The following CTNNA2 variants were observed in gnomAD, a reference collection of about 807,000 sequenced individuals.
CTNNA2 encodes the protein catenin alpha 2.
A neutral mutation model predicts 101.0 loss-of-function variants in CTNNA2; 42 were observed. That is an observed-to-expected ratio of 0.42 (90% CI 0.32 to 0.54). The LOEUF (loss-of-function observed/expected upper bound fraction) is 0.54, where lower values mean the gene tolerates loss of function less well. Ranked by LOEUF, CTNNA2 falls within the 20% of genes least tolerant of loss-of-function variation. The pLI, the probability that CTNNA2 is intolerant of heterozygous loss-of-function variation, is 0.14. For missense variants in CTNNA2, 871 were observed against 1,223.1 expected (o/e 0.71, Z 4.29); for synonymous variants, 450 against 456.4 (o/e 0.99, Z 0.18).
intron 7 of CTNNA2, among the ~76,000 whole-genome samples, chr2:80,110,855 G>A (rs1701171990): frequency 6.6e-6 from 1 of 152,100 alleles, no homozygotes; most frequent in Non-Finnish European, 1.5e-5. Context: ...CATTAGAGGA[G>A]GATTGTATTA....
intron 9 of CTNNA2, among the ~76,000 whole-genome samples, chr2:80,508,295 G>T (rs1688428879): frequency 6.6e-6 from 1 of 152,048 alleles, no homozygotes; most frequent in Non-Finnish European, 1.5e-5. Context: ...GTAATATGGT[G>T]AAACCCTCTC....
intron 2 of CTNNA2, among the ~76,000 whole-genome samples, chr2:79,199,053 G>A (rs1002467829): frequency 6.6e-6 from 1 of 152,188 alleles, no homozygotes; most frequent in Non-Finnish European, 1.5e-5. Flanking sequence ...TCACATGCCT[G>A]TCTATAGATG....
At chr2:80,257,789 C>T (rs1321200929) in intron 7 of CTNNA2, among the ~76,000 whole-genome samples, 2 of 152,192 alleles carry the variant, frequency 1.3e-5, no homozygotes, top group African/African-American at 2.4e-5. Flanking sequence ...AACAAGGAGG[C>T]CAGATATTAG....
chr2:79,982,828 A>G (rs59225973), intron 7 of CTNNA2, among the ~76,000 whole-genome samples: 3,713 of 152,172 alleles, frequency 0.024, 153 homozygotes, highest in African/African-American at 0.083. Flanking sequence ...ATTGATACAT[A>G]TGTAAACTTT....
At chr2:79,448,451 T>G (rs946165610) in intron 4 of CTNNA2, among the ~76,000 whole-genome samples, 1 of 152,094 alleles carries the variant, frequency 6.6e-6, no homozygotes, top group African/African-American at 2.4e-5. Context: ...TTAATTTGTG[T>G]TCAAAGAATT....
chr2:79,878,359 A>G (rs2916501), intron 6 of CTNNA2, among the ~76,000 whole-genome samples: 39,384 of 152,022 alleles, frequency 0.26, 5,408 homozygotes, highest in Middle Eastern at 0.39. Context: ...GTCTAATGGT[A>G]TTTCTGGTTC....
At chr2:79,295,495 CT>C (rs1387884511) in intron 2 of CTNNA2, among the ~76,000 whole-genome samples, 119 of 151,832 alleles carry the variant, frequency 7.8e-4, no homozygotes, top group African/African-American at 2.7e-3. Flanking sequence ...TTTTTCTTTT[CT>C]TTTTTTTCTT....
chr2:79,262,439 C>A (rs1283799257), intron 2 of CTNNA2, among the ~76,000 whole-genome samples: 2 of 151,800 alleles, frequency 1.3e-5, no homozygotes, highest in East Asian at 1.9e-4. Context: ...AAAATAAGAT[C>A]ATTTCAAATC....
intron 7 of CTNNA2, among the ~76,000 whole-genome samples, chr2:80,011,344 A>G (rs1275456172): frequency 6.6e-6 from 1 of 152,186 alleles, no homozygotes; most frequent in South Asian, 2.1e-4. Context: ...ATATAGAAAT[A>G]TGACAGAAAA....
intron 7 of CTNNA2, among the ~76,000 whole-genome samples, chr2:80,038,868 T>C (rs1695846888): frequency 6.6e-6 from 1 of 151,906 alleles, no homozygotes; most frequent in East Asian, 1.9e-4. Flanking sequence ...AATAATAAAA[T>C]AAAATAAGAT....
At chr2:80,179,272 T>G (rs1325355821) in intron 7 of CTNNA2, among the ~76,000 whole-genome samples, 1 of 152,254 alleles carries the variant, frequency 6.6e-6, no homozygotes, top group African/African-American at 2.4e-5. Flanking sequence ...GATAATCCAC[T>G]GTCATTCTCC....
chr2:79,992,398 A>C (rs1424674572), intron 7 of CTNNA2, among the ~76,000 whole-genome samples: 1 of 152,240 alleles, frequency 6.6e-6, no homozygotes, highest in Non-Finnish European at 1.5e-5. Flanking sequence ...CCAAAGAACC[A>C]AAATGTGTGA....
intron 1 of CTNNA2, among the ~76,000 whole-genome samples, chr2:79,641,645 A>G (rs1680455295): frequency 6.6e-6 from 1 of 152,204 alleles, no homozygotes; most frequent in African/African-American, 2.4e-5. Flanking sequence ...TAGAGTAAGC[A>G]CTACTTACCT....
chr2:79,352,986 A>T (rs1169876929), intron 3 of CTNNA2, among the ~76,000 whole-genome samples: 1 of 152,122 alleles, frequency 6.6e-6, no homozygotes, highest in African/African-American at 2.4e-5. Flanking sequence ...CACTTTTTAA[A>T]CAACCAGACC....
At chr2:79,920,019 C>T (rs956841182) in intron 7 of CTNNA2, among the ~76,000 whole-genome samples, 4 of 151,240 alleles carry the variant, frequency 2.6e-5, no homozygotes, top group South Asian at 4.3e-4. Flanking sequence ...GAGTTCGAGA[C>T]CAGCCTGACT....
Position 80,162,316 on chromosome 2 carries a change from T to G in CTNNA2, c.1057-230895T>G, listed in dbSNP as rs6715614. 4,564 of 896,134 alleles carry G rather than the reference T, an allele frequency of 5.1e-3. 158 individuals carry two copies. In the African/African-American group the frequency reaches 0.068, roughly 13 times the overall value. The allele number at this position is 896,134 out of a possible 1,614,324, so 55.5% of individuals were successfully genotyped here. A position where few individuals can be genotyped will look rare whatever the true frequency, so the allele number is the denominator to read the frequency against. ...ATTCATTTTGTATTAAACTGTAGCT[T>G]TAAAAAAATGTATAAAGAAATGTGA... On this transcript the variant is annotated intron_variant, in intron 7 of 18. Transcript: ENST00000402739.
At chr2:79,827,738 A>T (rs1678558910) in intron 3 of CTNNA2, among the ~76,000 whole-genome samples, 1 of 152,218 alleles carries the variant, frequency 6.6e-6, no homozygotes, top group South Asian at 2.1e-4. Context: ...TAAAAGTCTT[A>T]TGTGTCAACA....
chr2:79,242,909 A>G (rs547650870), intron 2 of CTNNA2, among the ~76,000 whole-genome samples: 1 of 150,736 alleles, frequency 6.6e-6, no homozygotes, highest in Non-Finnish European at 1.5e-5. Flanking sequence ...TGAGGCTGCA[A>G]TGAGCTATGA....
chr2:80,014,449 T>C (rs1022458206), intron 7 of CTNNA2, among the ~76,000 whole-genome samples: 2 of 151,994 alleles, frequency 1.3e-5, no homozygotes, highest in Non-Finnish European at 2.9e-5. Context: ...TTTTCTATAA[T>C]AAAGCCTTAT....
Sources: allele counts gnomAD v4.1 joint callset (sites outside exome capture counted in the v4.1 genomes callset), GRCh38; gene constraint gnomAD v4.1.1; transcripts MANE v1.5; gene names NCBI Gene and HGNC (gene_info 2026-07-23, HGNC 2026-07-21).